Variants in EMCN observed in about 807,000 individuals in gnomAD.
EMCN encodes endomucin.
Under a neutral mutation model 38.4 loss-of-function variants are expected in EMCN, and 37 were observed. That is an observed-to-expected ratio of 0.96 (90% CI 0.74 to 1.27). EMCN has a LOEUF of 1.27. EMCN is among the 50% of genes most tolerant of loss of function. The probability of loss-of-function intolerance (pLI) is 0.00; values close to 1 mark genes in which losing one functional copy is unlikely to be tolerated. For synonymous variants in EMCN, 95 were observed against 100.8 expected (o/e 0.94, Z 0.35); for missense variants, 318 against 302.8 (o/e 1.05, Z -0.37).
intron 1 of EMCN, among the ~76,000 whole-genome samples, chr4:100,489,551 C>T (rs1729024298): frequency 6.6e-6 from 1 of 151,994 alleles, no homozygotes; most frequent in African/African-American, 2.4e-5. Flanking sequence ...TGTAATGTTG[C>T]AGTACAATGC....
At chr4:100,486,918 T>A (rs1049286924) in intron 1 of EMCN, 4 of 985,346 alleles carry the variant, frequency 4.1e-6, no homozygotes, top group Non-Finnish European at 4.8e-6. Context: ...CACAAATGGA[T>A]AATTCTTCAA....
chr4:100,439,286 CTTTA>C (rs1727442141), intron 5 of EMCN, among the ~76,000 whole-genome samples: 1 of 151,820 alleles, frequency 6.6e-6, no homozygotes, highest in African/African-American at 2.4e-5. Context: ...TCTTTGATCT[CTTTA>C]TTTGTTATTG....
At chr4:100,414,892 G>T (rs1726670864) in intron 10 of EMCN, among the ~76,000 whole-genome samples, 1 of 151,982 alleles carries the variant, frequency 6.6e-6, no homozygotes, top group African/African-American at 2.4e-5. Flanking sequence ...GACCCACATG[G>T]TTTTTTATAT....
chr4:100,437,056 A>C (rs994397916), intron 5 of EMCN, among the ~76,000 whole-genome samples: 1 of 152,108 alleles, frequency 6.6e-6, no homozygotes, highest in Non-Finnish European at 1.5e-5. Flanking sequence ...GGAAAAAAAG[A>C]ATTCCCTTGT....
At position 100,413,458 on chromosome 4, in the gene EMCN, CTT is replaced by C. The variant is rs374680694; in HGVS notation, c.751+2438_751+2439del. 1.5e-3 allele frequency among the ~76,000 whole-genome samples: 221 copies of C among 151,920 alleles called. 1 individual carries two copies. Among genetic ancestry groups the C allele is most frequent in the African/African-American group, 5.2e-3 (216 of 41,412 alleles). Reference sequence around the variant, plus strand: ...AAATAATTTTAGTAACGTAACTTCTCTTGAGTGTAGTGAGCATAGCATTATAA... The same window carrying C: ...AAATAATTTTAGTAACGTAACTTCTCGAGTGTAGTGAGCATAGCATTATAA... On this transcript the variant is annotated intron_variant, in intron 10 of 11. Coordinates refer to ENST00000296420, the MANE Select transcript of EMCN (RefSeq NM_016242.4).
At position 100,397,620 on chromosome 4, in the gene EMCN, C is replaced by A. The variant is rs1250109431; in HGVS notation, c.*793G>T. The A allele has an allele frequency of 2.0e-5, 3 of 152,140 alleles. No homozygotes were observed. The highest frequency in any genetic ancestry group is 4.4e-5 in the Non-Finnish European group (3 of 68,028). The allele number at this position is 152,140 out of a possible 1,614,324, so 9.4% of individuals were successfully genotyped here. A position where few individuals can be genotyped will look rare whatever the true frequency, so the allele number is the denominator to read the frequency against. On this transcript the variant is annotated 3_prime_UTR_variant, in exon 12 of 12. Coordinates refer to ENST00000296420, the MANE Select transcript of EMCN (RefSeq NM_016242.4). ...TGCCCTTGCACTTACATCTTCATCACATAGTATGAATGACAAATAGAAAGA... is the reference window on the plus strand; with the variant it reads ...TGCCCTTGCACTTACATCTTCATCAAATAGTATGAATGACAAATAGAAAGA...
intron 8 of EMCN, 84 bp from the exon 9 acceptor site, chr4:100,417,225 G>A: frequency 8.7e-7 from 1 of 1,153,184 alleles, no homozygotes; most frequent in Non-Finnish European, 1.3e-6. Context: ...CCCCTCACCT[G>A]CTGTCCACTC....
chr4:100,509,697 G>A (rs537480024), intron 1 of EMCN, among the ~76,000 whole-genome samples: 4 of 152,264 alleles, frequency 2.6e-5, no homozygotes, highest in African/African-American at 7.2e-5. Flanking sequence ...TGTTTTGTGT[G>A]TGTGATTTTT....
intron 5 of EMCN, among the ~76,000 whole-genome samples, chr4:100,446,496 T>C (rs1333484469): frequency 1.3e-5 from 2 of 152,176 alleles, no homozygotes; most frequent in Non-Finnish European, 2.9e-5. Context: ...CCATAATTTT[T>C]AGTGTCACTC....
At chr4:100,488,980 A>G (rs933884120) in intron 1 of EMCN, among the ~76,000 whole-genome samples, 1 of 152,194 alleles carries the variant, frequency 6.6e-6, no homozygotes, top group Admixed American at 6.5e-5. Context: ...AAGCACATAT[A>G]ACAATAATTA....
At position 100,421,652 on chromosome 4, in the gene EMCN, G is replaced by A. The variant is rs147555111; in HGVS notation, c.569-275C>T. 2.3e-3 allele frequency among the ~76,000 whole-genome samples: 345 copies of A among 152,122 alleles called. 2 individuals are homozygous for A. The highest frequency in any genetic ancestry group is 7.9e-3 in the African/African-American group (330 of 41,548). On this transcript the variant is annotated intron_variant, in intron 7 of 11. Coordinates refer to ENST00000296420, the MANE Select transcript of EMCN (RefSeq NM_016242.4). Reference sequence around the variant, plus strand: ...TTCCTGGAGACTGAAGAAGTGGGGAGATGGGAGACTGGAGAAGCAGAAGAT... The same window carrying A: ...TTCCTGGAGACTGAAGAAGTGGGGAAATGGGAGACTGGAGAAGCAGAAGAT...
chr4:100,417,042 G>T, intron 9 of EMCN, 75 bp downstream of exon 9: 1 of 1,432,476 alleles, frequency 7.0e-7, no homozygotes, highest in Non-Finnish European at 9.8e-7. Flanking sequence ...ATCCAAAAAA[G>T]TATAAGTAGA....
At chr4:100,436,881 G>A (rs140440689) in intron 5 of EMCN, among the ~76,000 whole-genome samples, 25 of 152,234 alleles carry the variant, frequency 1.6e-4, no homozygotes, top group African/African-American at 4.3e-4. Context: ...AGAGGTGTGC[G>A]GGGGAAGAGA....
chr4:100,451,033 CAT>C (rs1250200872), intron 4 of EMCN, among the ~76,000 whole-genome samples: 9 of 151,848 alleles, frequency 5.9e-5, no homozygotes, highest in African/African-American at 1.4e-4. Flanking sequence ...TAATATCTAA[CAT>C]GTGCTTATCT....
At chr4:100,445,155 A>G (rs1727633187) in intron 5 of EMCN, among the ~76,000 whole-genome samples, 1 of 152,086 alleles carries the variant, frequency 6.6e-6, no homozygotes, top group Non-Finnish European at 1.5e-5. Context: ...AGTTATTTTG[A>G]TCAAGATGTA....
At chr4:100,421,474 T>C (rs1726886685) in intron 7 of EMCN, 97 bp from the exon 8 acceptor site, 2 of 869,488 alleles carry the variant, frequency 2.3e-6, no homozygotes, top group East Asian at 5.0e-5. Context: ...TCCTTTCTTC[T>C]TTAAATATCA....
At chr4:100,406,121 T>A (rs1404766606) in intron 11 of EMCN, among the ~76,000 whole-genome samples, 1 of 152,084 alleles carries the variant, frequency 6.6e-6, no homozygotes, top group Admixed American at 6.6e-5. Context: ...TATTTGGATC[T>A]TCTCTTTTTT....
chr4:100,442,954 A>T (rs911118398), intron 5 of EMCN, among the ~76,000 whole-genome samples: 2 of 152,218 alleles, frequency 1.3e-5, no homozygotes, highest in East Asian at 3.9e-4. Context: ...GATTCAAGAG[A>T]TTCTCCTGCC....
chr4:100,418,870 T>C (rs1726810315), intron 8 of EMCN, among the ~76,000 whole-genome samples: 1 of 152,074 alleles, frequency 6.6e-6, no homozygotes, highest in Non-Finnish European at 1.5e-5. Context: ...GGTATTTCTT[T>C]GATATATTGA....
Sources: gnomAD v4.1 joint callset for allele counts (sites outside exome capture counted in the v4.1 genomes callset) on GRCh38, gnomAD v4.1.1 for gene constraint, MANE v1.5 for transcripts, NCBI Gene and HGNC (gene_info 2026-07-23, HGNC 2026-07-21) for gene names.